The following GPATCH1 variants were observed in gnomAD, a reference collection of about 807,000 sequenced individuals.
GPATCH1 encodes G-patch domain containing 1.
In GPATCH1, 73 loss-of-function variants were observed where a neutral mutation model predicts 114.9. That is an observed-to-expected ratio of 0.64 (90% confidence interval 0.53 to 0.77). The LOEUF (loss-of-function observed/expected upper bound fraction) is 0.77, where lower values mean the gene tolerates loss of function less well. Among genes scored for constraint, GPATCH1 ranks in the 30% least tolerant of loss-of-function variants. The pLI is 0.00. For missense variants in GPATCH1, 1,058 were observed against 1,144.3 expected, an observed-to-expected ratio of 0.92 and a Z score of 1.09; for synonymous variants, 391 against 428.4, an observed-to-expected ratio of 0.91 and a Z score of 1.08.
At chr19:33,105,704 A>C (rs1266207676) in intron 9 of GPATCH1, among the ~76,000 whole-genome samples, 1 of 151,636 alleles carries the variant, frequency 6.6e-6, no homozygotes, top group African/African-American at 2.4e-5. Context: ...TTGTATTTTT[A>C]GTAGAGACGG....
In GPATCH1 at chr19:33,101,502, GA is replaced by G; in HGVS notation, c.1011del (p.Asp338ThrfsTer76). ...RQYKNQKESE[K>X]DLRYVGKILD... is the part of the protein sequence containing the mutation. ...TATGACATCATTTTGTAGAATCAGA[GA>G]AAGACCTTCGGTACGTTGGCAAAAT... On this transcript the variant is annotated frameshift_variant, in exon 9 of 20. Coordinates refer to ENST00000170564, the MANE Select transcript of GPATCH1 (RefSeq NM_018025.3). LOFTEE classifies it high-confidence loss of function. 6.4e-7 allele frequency: 1 copy of G among 1,570,574 alleles called. No homozygotes were observed. The highest frequency in any genetic ancestry group is 8.8e-7 in the Non-Finnish European group (1 of 1,140,446).
At chr19:33,099,184 ATAG>A (rs1431003554) in intron 8 of GPATCH1, among the ~76,000 whole-genome samples, 3 of 149,862 alleles carry the variant, frequency 2.0e-5, no homozygotes, top group African/African-American at 4.9e-5. Context: ...ACATTATTAC[ATAG>A]TAATGTATTG....
At chr19:33,128,140 T>G (rs1973063623) in intron 19 of GPATCH1, among the ~76,000 whole-genome samples, 1 of 152,132 alleles carries the variant, frequency 6.6e-6, no homozygotes. Flanking sequence ...CAGGCTGGAG[T>G]GCAGTGGCCT....
intron 7 of GPATCH1, 128 bp downstream of exon 7, chr19:33,096,574 A>G (rs1180457331): frequency 8.2e-6 from 6 of 731,452 alleles, no homozygotes; most frequent in Non-Finnish European, 1.3e-5. Flanking sequence ...AATCAGGTCA[A>G]AGATTCTTTC....
At chr19:33,119,495 C>A (rs551079241) in intron 17 of GPATCH1, among the ~76,000 whole-genome samples, 1 of 150,264 alleles carries the variant, frequency 6.7e-6, no homozygotes. Flanking sequence ...GTCAAGAGAT[C>A]GAGACCATTC....
At chr19:33,112,878 C>T in intron 13 of GPATCH1, 1 of 299,566 alleles carries the variant, frequency 3.3e-6, no homozygotes, top group Non-Finnish European at 6.2e-6. Context: ...CATTATGCCT[C>T]TCTCATTTGC....
chr19:33,125,224 C>T (rs758942056), intron 18 of GPATCH1, 22 bp downstream of exon 18: 2 of 1,577,482 alleles, frequency 1.3e-6, no homozygotes, highest in Non-Finnish European at 1.7e-6. Context: ...GTGTGTACCC[C>T]AGGATCAGTG....
intron 10 of GPATCH1, among the ~76,000 whole-genome samples, chr19:33,107,595 T>TCC (rs1972799747): frequency 6.6e-6 from 1 of 152,082 alleles, no homozygotes; most frequent in African/African-American, 2.4e-5. Flanking sequence ...ACATGGAGAA[T>TCC]CCCCTGCAGG....
At position 33,130,372 on chromosome 19, in the gene GPATCH1, C is replaced by A; in HGVS notation, c.*212C>A. The stretch of plus-strand genomic sequence containing the variant: ...CAGTTAGTATCGGGGGAAAAAAATC[C>A]AGACTGAACAGTTTAATTAAAGTGG... On this transcript the variant is annotated 3_prime_UTR_variant, in exon 20 of 20. Coordinates refer to ENST00000170564, the MANE Select transcript of GPATCH1 (RefSeq NM_018025.3). The A allele has an allele frequency of 4.6e-6, 2 of 431,120 alleles. No homozygotes were observed. Among genetic ancestry groups the A allele is most frequent in the South Asian group, 6.2e-5 (1 of 16,054 alleles). 26.7% of individuals were successfully genotyped at this position (431,120 alleles called of 1,614,324 possible).
Position 33,118,177 on chromosome 19 carries a change from T to C in GPATCH1, c.2413+136T>C. On this transcript the variant is annotated intron_variant, in intron 16 of 19. Transcript: ENST00000170564. ...TATGTAATCTTTTATATGTATATAA[T>C]TTTTTTTTTTTTTTTTTTGGAAACA... 2.1e-4 allele frequency: 17 copies of C among 79,510 alleles called. No individual in the cohort carries two copies. In the African/African-American group the frequency reaches 3.0e-3, roughly 14 times the overall value. The allele number at this position is 79,510 out of a possible 1,614,324, so 4.9% of individuals were successfully genotyped here.
intron 14 of GPATCH1, 51 bp downstream of exon 14, chr19:33,113,954 G>A (rs1972888579): frequency 6.4e-7 from 1 of 1,550,942 alleles, no homozygotes; most frequent in Non-Finnish European, 8.8e-7. Context: ...TCAACCCCTA[G>A]CCTGTAGGAA....
chr19:33,130,362 G>GA lies in GPATCH1; in HGVS notation c.*209dup, dbSNP rs1284640848. On this transcript the variant is annotated 3_prime_UTR_variant, in exon 20 of 20. Transcript: ENST00000170564. Reference sequence around the variant, plus strand: ...TTTTTAATTTCAGTTAGTATCGGGGGAAAAAAATCCAGACTGAACAGTTTA... The same window carrying GA: ...TTTTTAATTTCAGTTAGTATCGGGGGAAAAAAAATCCAGACTGAACAGTTTA... 4 of 437,842 alleles carry GA rather than the reference G, an allele frequency of 9.1e-6. No homozygotes were observed. Among genetic ancestry groups the GA allele is most frequent in the Non-Finnish European group, 1.2e-5 (3 of 248,762 alleles). The allele number at this position is 437,842 out of a possible 1,614,324, so 27.1% of individuals were successfully genotyped here. A position where few individuals can be genotyped will look rare whatever the true frequency, so the allele number is the denominator to read the frequency against.
intron 19 of GPATCH1, among the ~76,000 whole-genome samples, chr19:33,127,565 T>C (rs1428973503): frequency 1.3e-5 from 2 of 150,968 alleles, no homozygotes; most frequent in Non-Finnish European, 3.0e-5. Context: ...TTACAGCCAA[T>C]GCTTAAAGGA....
intron 8 of GPATCH1, among the ~76,000 whole-genome samples, chr19:33,098,649 TG>T (rs1972691043): frequency 6.6e-6 from 1 of 152,128 alleles, no homozygotes; most frequent in African/African-American, 2.4e-5. Context: ...ATTTGTAAAG[TG>T]AGGATAAAAT....
chr19:33,101,356 T>G, intron 8 of GPATCH1, 139 bp from the exon 9 acceptor site: 1 of 624,548 alleles, frequency 1.6e-6, no homozygotes, highest in Admixed American at 2.8e-5. Context: ...TGTTCTTCCC[T>G]TTACTGCTGC....
At chr19:33,127,004 G>A (rs1479579633) in intron 19 of GPATCH1, among the ~76,000 whole-genome samples, 1 of 151,414 alleles carries the variant, frequency 6.6e-6, no homozygotes, top group Non-Finnish European at 1.5e-5. Context: ...GCGTGGTGGT[G>A]CACACCTGTG....
chr19:33,126,657 T>TC lies in GPATCH1; in HGVS notation c.2691dup (p.Glu898ArgfsTer11). ...TAAAAAACCAGAGAAAAGTAGTAGC[T>TC]CCGAGAGTTCCGACAGCAGCGACAG... is the stretch of plus-strand genomic sequence containing the variant. On this transcript the variant is annotated frameshift_variant, in exon 19 of 20. Transcript: ENST00000170564. LOFTEE classifies it high-confidence loss of function. 1 of 1,614,010 alleles carries TC rather than the reference T, an allele frequency of 6.2e-7. No individual in the cohort carries two copies. The highest frequency in any genetic ancestry group is 1.1e-5 in the South Asian group (1 of 91,072).
chr19:33,091,193 C>T (rs1599851545), intron 3 of GPATCH1, among the ~76,000 whole-genome samples: 1 of 151,988 alleles, frequency 6.6e-6, no homozygotes. Flanking sequence ...AGGCGGATCA[C>T]GAGGTCAGGA....
Position 33,126,703 on chromosome 19 carries a change from C to T in GPATCH1, c.2735C>T (p.Ala912Val), listed in dbSNP as rs955162738. The T allele has an allele frequency of 6.2e-7, 1 of 1,613,648 alleles. No homozygotes were observed. The highest frequency in any genetic ancestry group is 1.3e-5 in the African/African-American group (1 of 74,816). ...GACAGCCAGAGTGACGAGGAAACCG[C>T]AGACGTGTCGCCCCAGGAGCTGCTG... ...SSDSQSDEET[A>V]DVSPQELLRR... Residue 912 changes from alanine to valine, a missense_variant, in exon 19 of 20, where the codon GCA (alanine) becomes GTA (valine). Around this residue, in one of 3 missense-constraint regions of GPATCH1, gnomAD observed 893 missense variants for 977.4 expected, o/e 0.91. Coordinates refer to ENST00000170564, the MANE Select transcript of GPATCH1 (RefSeq NM_018025.3).
Sources: allele counts gnomAD v4.1 joint callset (sites outside exome capture counted in the v4.1 genomes callset), GRCh38; gene constraint gnomAD v4.1.1; regional missense constraint gnomAD v4.1.1; transcripts MANE v1.5; gene names NCBI Gene and HGNC (gene_info 2026-07-23, HGNC 2026-07-21).